FUT8: variants seen among roughly 807,000 people sequenced by gnomAD.
FUT8 encodes alpha-(1,6)-fucosyltransferase.
In FUT8, 29 loss-of-function variants were observed where a neutral mutation model predicts 71.3. That is an observed-to-expected ratio of 0.41 (90% CI 0.30 to 0.55). The LOEUF is 0.55. Among genes scored for constraint, FUT8 ranks in the 20% least tolerant of loss-of-function variants. The pLI, the probability that FUT8 is intolerant of heterozygous loss-of-function variation, is 0.34. For synonymous variants in FUT8, 254 were observed against 239.3 expected (o/e 1.06, Z -0.57); for missense variants, 544 against 702.1 (o/e 0.77, Z 2.55).
chr14:65,512,721 C>T (rs1181470461), intron 2 of FUT8, among the ~76,000 whole-genome samples: 1 of 151,630 alleles, frequency 6.6e-6, no homozygotes, highest in Non-Finnish European at 1.5e-5. Flanking sequence ...GCAGCCTGGC[C>T]AAGATGGTGA....
intron 6 of FUT8, among the ~76,000 whole-genome samples, chr14:65,664,782 G>T (rs957422454): frequency 6.6e-6 from 1 of 152,066 alleles, no homozygotes; most frequent in Non-Finnish European, 1.5e-5. Flanking sequence ...TATAAATTGA[G>T]AACTGGTTAC....
intron 1 of FUT8, among the ~76,000 whole-genome samples, chr14:65,447,485 A>G (rs2065760564): frequency 6.6e-6 from 1 of 152,114 alleles, no homozygotes; most frequent in South Asian, 2.1e-4. Flanking sequence ...TGGATTGGAA[A>G]GGAATGTTTT....
intron 3 of FUT8, among the ~76,000 whole-genome samples, chr14:65,590,510 C>CT (rs751781388): frequency 6.6e-6 from 1 of 152,072 alleles, no homozygotes; most frequent in African/African-American, 2.4e-5. Flanking sequence ...CTTGACCAAA[C>CT]TGGGGGGGAA....
rs1311085206 is a variant in FUT8 at position 65,603,264 on chromosome 14, T to G, written c.204-12714T>G. On this transcript the variant is annotated intron_variant, in intron 3 of 10. Transcript: ENST00000673929. This position sits in a 1 kb window ranked among gnomAD's most constrained non-coding sequence, Gnocchi z 4.5. ...TCCCCACTTTATGTTTTTGTTTGCT[T>G]TGTCGAAGATCAGTTGGCTGTAAGT... is the stretch of plus-strand genomic sequence containing the variant. 6.6e-6 allele frequency among the ~76,000 whole-genome samples: 1 copy of G among 151,918 alleles called. No homozygotes were observed. The highest frequency in any genetic ancestry group is 1.5e-5 in the Non-Finnish European group (1 of 67,926).
At chr14:65,674,981 CT>C (rs1476595413) in intron 7 of FUT8, among the ~76,000 whole-genome samples, 1 of 152,174 alleles carries the variant, frequency 6.6e-6, no homozygotes, top group Admixed American at 6.5e-5. Flanking sequence ...TGCTATAAAA[CT>C]TTTTTGTTTT....
At chr14:65,411,377 A>AC (rs2065121814), upstream of FUT8, 1 of 152,568 alleles carries the variant, frequency 6.6e-6, no homozygotes, top group Admixed American at 6.5e-5. Context: ...GACAATAAAT[A>AC]CGAGTCTCAA....
intron 7 of FUT8, among the ~76,000 whole-genome samples, chr14:65,701,195 CA>C (rs1164952129): frequency 1.3e-5 from 2 of 152,050 alleles, no homozygotes; most frequent in Non-Finnish European, 2.9e-5. Flanking sequence ...ATCATATCAT[CA>C]AGAGTAGATA....
At chr14:65,598,054 T>G (rs767466285) in intron 3 of FUT8, among the ~76,000 whole-genome samples, 9 of 152,086 alleles carry the variant, frequency 5.9e-5, no homozygotes, top group Non-Finnish European at 2.9e-5. Flanking sequence ...ACACATGTAG[T>G]TCCCAGCTAC....
rs1294823815 is a variant in FUT8 at position 65,427,481 on chromosome 14, C to T, written c.-326+14267C>T. Among the ~76,000 whole-genome samples, 8 of 152,084 alleles carry T rather than the reference C, an allele frequency of 5.3e-5. No individual in the cohort carries two copies. In the South Asian group the frequency reaches 1.0e-3, roughly 20 times the overall value. The stretch of plus-strand genomic sequence containing the variant: ...TTATGTGAATAGCCATTCTAACAGG[C>T]GTGAGGTGATACAGAATTGTGGTTT... On this transcript the variant is annotated intron_variant, in intron 1 of 10. Coordinates refer to ENST00000673929, the MANE Select transcript of FUT8 (RefSeq NM_001371533.1).
In FUT8 at chr14:65,638,184, C is replaced by G. The variant is rs1273554493; in HGVS notation, c.597+8578C>G. ...TACAGTTGTTCCTGTGAACATTGTC[C>G]TTCTCCCAAGACCCTCCGTCTCTAT... On this transcript the variant is annotated intron_variant, in intron 6 of 10. Coordinates refer to ENST00000673929, the MANE Select transcript of FUT8 (RefSeq NM_001371533.1). This position sits in a 1 kb window ranked among gnomAD's most constrained non-coding sequence, Gnocchi z 4.5. Among the ~76,000 whole-genome samples, 1 of 152,142 alleles carries G rather than the reference C, an allele frequency of 6.6e-6. No homozygotes were observed. The highest frequency in any genetic ancestry group is 1.5e-5 in the Non-Finnish European group (1 of 68,028).
chr14:65,587,661 T>C (rs1887465275), intron 3 of FUT8, among the ~76,000 whole-genome samples: 1 of 152,238 alleles, frequency 6.6e-6, no homozygotes, highest in South Asian at 2.1e-4. Context: ...TTCAGGACAC[T>C]GAATCTAAAA....
chr14:65,514,292 A>G (rs1053866170), intron 2 of FUT8, among the ~76,000 whole-genome samples: 3 of 151,998 alleles, frequency 2.0e-5, no homozygotes, highest in African/African-American at 4.8e-5. Context: ...GAATGTTTGT[A>G]AGAATGGCCT....
intron 2 of FUT8, among the ~76,000 whole-genome samples, chr14:65,506,598 A>G (rs890369302): frequency 4.6e-5 from 7 of 152,380 alleles, no homozygotes; most frequent in African/African-American, 1.7e-4. Context: ...AAGGACAACC[A>G]GTGAATTGTA....
intron 2 of FUT8, among the ~76,000 whole-genome samples, chr14:65,543,021 A>G (rs1183954337): frequency 6.6e-6 from 1 of 152,122 alleles, no homozygotes; most frequent in Non-Finnish European, 1.5e-5. Context: ...ACCTCAGGTG[A>G]TCTGCCCGCC....
At chr14:65,615,845 A>G (rs371275256) in intron 3 of FUT8, 133 bp from the exon 4 acceptor site, 6 of 610,092 alleles carry the variant, frequency 9.8e-6, no homozygotes, top group Non-Finnish European at 1.7e-5. Context: ...AGAAAATTCC[A>G]TTTGGTACTA....
chr14:65,726,938 G>A (rs1895714390), intron 9 of FUT8, among the ~76,000 whole-genome samples: 1 of 152,136 alleles, frequency 6.6e-6, no homozygotes, highest in African/African-American at 2.4e-5. Flanking sequence ...AGGGGCTACA[G>A]GCCCCATGCA....
chr14:65,433,695 A>G (rs2065510075), intron 1 of FUT8, among the ~76,000 whole-genome samples: 1 of 152,230 alleles, frequency 6.6e-6, no homozygotes, highest in African/African-American at 2.4e-5. Context: ...GTTTTTCACT[A>G]TTTGTAATGT....
chr14:65,441,719 C>T (rs2065658356), intron 1 of FUT8, among the ~76,000 whole-genome samples: 1 of 128,582 alleles, frequency 7.8e-6, no homozygotes, highest in Admixed American at 9.2e-5. Context: ...TGCCACTGTA[C>T]TCCAGCCTGG....
rs564158909 is a variant in FUT8, at chr14:65,621,892, T to C, written c.482+5519T>C. Among the ~76,000 whole-genome samples the C allele has an allele frequency of 6.6e-5, 10 of 152,284 alleles. No individual in the cohort carries two copies. In the East Asian group the frequency reaches 1.9e-3, roughly 29 times the overall value. On this transcript the variant is annotated intron_variant, in intron 5 of 10. Coordinates refer to ENST00000673929, the MANE Select transcript of FUT8 (RefSeq NM_001371533.1). ...CAGGCAGAAGTGCAGTGGCACGATC[T>C]TGGCTCACTGCAACCTCCGCCTCCC...
Sources: allele counts gnomAD v4.1 joint callset (sites outside exome capture counted in the v4.1 genomes callset), GRCh38; gene constraint gnomAD v4.1.1; non-coding constraint Gnocchi (gnomAD v3.1); transcripts MANE v1.5; gene names NCBI Gene and HGNC (gene_info 2026-07-23, HGNC 2026-07-21).